The following GMDS variants were observed in gnomAD, a reference collection of about 807,000 sequenced individuals.
GMDS encodes GDP-mannose 4,6 dehydratase.
GMDS carries 20 observed loss-of-function variants against 49.9 expected under a neutral mutation model. The observed-to-expected ratio is 0.40, with a 90% CI of 0.28 to 0.58. The LOEUF (loss-of-function observed/expected upper bound fraction) is 0.58. Ranked by LOEUF, GMDS falls within the 20% of genes least tolerant of loss-of-function variation. The probability of loss-of-function intolerance (pLI) is 0.42; values close to 1 mark genes in which losing one functional copy is unlikely to be tolerated. For missense variants in GMDS, 362 were observed against 481.4 expected, an observed-to-expected ratio of 0.75 and a Z score of 2.32; for synonymous variants, 177 against 178.6, an observed-to-expected ratio of 0.99 and a Z score of 0.07.
At chr6:1,638,900 C>T (rs561288475) in intron 9 of GMDS, among the ~76,000 whole-genome samples, 16 of 152,274 alleles carry the variant, frequency 1.1e-4, no homozygotes, top group South Asian at 4.1e-4. Flanking sequence ...ACTTTATCTA[C>T]AACTACTTAG....
intron 9 of GMDS, 96 bp downstream of exon 9, chr6:1,726,320 A>G: frequency 1.3e-6 from 1 of 794,858 alleles, no homozygotes; most frequent in South Asian, 1.4e-5. Flanking sequence ...AGCTGAACTG[A>G]CAGCTCCAAA....
chr6:2,093,284 G>A (rs1037469360), intron 4 of GMDS, among the ~76,000 whole-genome samples: 7 of 152,010 alleles, frequency 4.6e-5, no homozygotes, highest in Non-Finnish European at 8.8e-5. Context: ...AAGAAGCAGC[G>A]AAAACACTTG....
chr6:2,051,980 G>T (rs1316035093), intron 4 of GMDS, among the ~76,000 whole-genome samples: 2 of 151,884 alleles, frequency 1.3e-5, no homozygotes, highest in East Asian at 1.9e-4. Context: ...AGTCGGGCGT[G>T]GTGGCAAGCA....
At chr6:1,791,386 A>T (rs1769535967) in intron 7 of GMDS, among the ~76,000 whole-genome samples, 1 of 152,192 alleles carries the variant, frequency 6.6e-6, no homozygotes, top group Non-Finnish European at 1.5e-5. Flanking sequence ...TAGCTTATAG[A>T]TGGTGGCTGC....
At chr6:1,864,115 G>C (rs1758331158) in intron 7 of GMDS, among the ~76,000 whole-genome samples, 1 of 151,886 alleles carries the variant, frequency 6.6e-6, no homozygotes, top group Non-Finnish European at 1.5e-5. Flanking sequence ...ACAATCCCAA[G>C]GAGATAAAAC....
At chr6:2,175,006 G>C (rs968424852) in intron 1 of GMDS, among the ~76,000 whole-genome samples, 2 of 152,282 alleles carry the variant, frequency 1.3e-5, no homozygotes, top group East Asian at 3.9e-4. Flanking sequence ...GGGCTCTCTA[G>C]GCAGGCCACA....
At chr6:2,072,538 T>C (rs1000079776) in intron 4 of GMDS, among the ~76,000 whole-genome samples, 1 of 152,110 alleles carries the variant, frequency 6.6e-6, no homozygotes, top group Non-Finnish European at 1.5e-5. Flanking sequence ...ATTCTGGGAG[T>C]TACAGTTTTG....
chr6:1,916,114 T>C (rs894633859), intron 7 of GMDS, among the ~76,000 whole-genome samples: 3 of 152,240 alleles, frequency 2.0e-5, no homozygotes, highest in East Asian at 1.9e-4. Flanking sequence ...TTTTTCAATA[T>C]ACAATCATGG....
Position 1,778,430 on chromosome 6 carries a change from G to A in GMDS, c.772-35844C>T, listed in dbSNP as rs140631435. On this transcript the variant is annotated intron_variant, in intron 7 of 10. Transcript: ENST00000380815. The surrounding 1 kb of genome is among the most constrained non-coding windows in gnomAD (Gnocchi z 4.6). The stretch of plus-strand genomic sequence containing the variant: ...AGTGGAGACAGCAGACGAGTGGAAC[G>A]GCGGGCACTGTGCTGAGGAGTGGCC... Among the ~76,000 whole-genome samples, 368 of 152,304 alleles carry A rather than the reference G, an allele frequency of 2.4e-3. 3 individuals are homozygous for A. The highest frequency in any genetic ancestry group is 8.2e-3 in the African/African-American group (342 of 41,568).
chr6:2,152,808 A>G (rs1776906108), intron 1 of GMDS, among the ~76,000 whole-genome samples: 1 of 152,218 alleles, frequency 6.6e-6, no homozygotes, highest in Non-Finnish European at 1.5e-5. Context: ...GGATAGAATC[A>G]TTTTAATCAT....
At chr6:1,870,390 T>C (rs1053603071) in intron 7 of GMDS, among the ~76,000 whole-genome samples, 1 of 152,086 alleles carries the variant, frequency 6.6e-6, no homozygotes, top group Non-Finnish European at 1.5e-5. Flanking sequence ...GCCCAACCCT[T>C]AGAAGCATGA....
intron 7 of GMDS, among the ~76,000 whole-genome samples, chr6:1,745,994 C>T (rs939285705): frequency 9.8e-5 from 15 of 152,324 alleles, no homozygotes; most frequent in African/African-American, 2.4e-4. Context: ...GTGAGAAGGA[C>T]GCAGCCATCC....
At chr6:2,152,816 C>T (rs991304377) in intron 1 of GMDS, among the ~76,000 whole-genome samples, 5 of 151,972 alleles carry the variant, frequency 3.3e-5, no homozygotes, top group African/African-American at 1.2e-4. Flanking sequence ...TCATTTTAAT[C>T]ATAAAAATTA....
At chr6:2,058,283 T>C (rs1365222689) in intron 4 of GMDS, among the ~76,000 whole-genome samples, 1 of 147,730 alleles carries the variant, frequency 6.8e-6, no homozygotes, top group Non-Finnish European at 1.5e-5. Context: ...AGGCAGAGGT[T>C]GCAGTGAGCC....
intron 4 of GMDS, among the ~76,000 whole-genome samples, chr6:2,046,262 T>G (rs189319837): frequency 2.1e-3 from 322 of 152,276 alleles, no homozygotes; most frequent in Non-Finnish European, 2.7e-3. Flanking sequence ...CAAACCAATG[T>G]GTTTTGTAAA....
intron 7 of GMDS, among the ~76,000 whole-genome samples, chr6:1,879,852 G>A (rs903937624): frequency 1.3e-5 from 2 of 152,042 alleles, no homozygotes; most frequent in South Asian, 2.1e-4. Context: ...AGCCTTTCTA[G>A]GATGATAACA....
At chr6:1,857,806 A>C (rs765855515) in intron 7 of GMDS, among the ~76,000 whole-genome samples, 1 of 152,178 alleles carries the variant, frequency 6.6e-6, no homozygotes, top group Admixed American at 6.5e-5. Context: ...AACCATTCTG[A>C]CAGTCTAGAA....
chr6:2,023,359 C>A (rs1435135102), intron 4 of GMDS, among the ~76,000 whole-genome samples: 4 of 152,218 alleles, frequency 2.6e-5, no homozygotes, highest in Admixed American at 6.5e-5. Context: ...TTCCTCGTAA[C>A]AACTATGGGT....
intron 4 of GMDS, among the ~76,000 whole-genome samples, chr6:2,000,125 C>A (rs1485609799): frequency 7.6e-5 from 10 of 130,988 alleles, no homozygotes; most frequent in Non-Finnish European, 1.3e-4. Context: ...AGCTCCACTT[C>A]CCAGGTTCAC....
Sources: allele counts gnomAD v4.1 joint callset (sites outside exome capture counted in the v4.1 genomes callset), GRCh38; gene constraint gnomAD v4.1.1; non-coding constraint Gnocchi (gnomAD v3.1); transcripts MANE v1.5; gene names NCBI Gene and HGNC (gene_info 2026-07-23, HGNC 2026-07-21).